Variants in MRC1 observed in about 807,000 individuals in gnomAD.
The protein encoded by MRC1 is macrophage mannose receptor 1.
Under a neutral mutation model 102.9 loss-of-function variants are expected in MRC1, and 62 were observed. The ratio of observed to expected loss-of-function variants is 0.60; its 90% confidence interval spans 0.49 to 0.74. The LOEUF is 0.74. Among genes scored for constraint, MRC1 ranks in the 30% least tolerant of loss-of-function variants. The pLI is 0.00. For missense variants in MRC1, 1,237 were observed against 862.8 expected (o/e 1.43, Z -5.43); for synonymous variants, 457 against 298.4 (o/e 1.53, Z -5.48).
intron 24 of MRC1, among the ~76,000 whole-genome samples, chr10:17,898,485 A>T (rs1251221570): frequency 3.3e-5 from 5 of 152,236 alleles, no homozygotes; most frequent in African/African-American, 1.2e-4. Context: ...ACTAAGAATT[A>T]TCTGATGAAT....
In MRC1 at chr10:17,880,682, A is replaced by G. The variant is rs1313590590; in HGVS notation, c.2865+12A>G. 7.7e-6 allele frequency: 6 copies of G among 780,730 alleles called. No homozygotes were observed. Among genetic ancestry groups the G allele is most frequent in the Non-Finnish European group, 1.4e-5 (6 of 417,950 alleles). The allele number at this position is 780,730 out of a possible 1,614,324, so 48.4% of individuals were successfully genotyped here. On this transcript the variant is annotated intron_variant, in intron 20 of 29. Coordinates refer to ENST00000569591, the MANE Select transcript of MRC1 (RefSeq NM_002438.4). The stretch of plus-strand genomic sequence containing the variant: ...TCTACAGCAACAAGGTACTAGGAAA[A>G]TTAGTTGCAATCTTGGCACTGATCA...
At chr10:17,842,199 G>A (rs1838762240) in intron 5 of MRC1, among the ~76,000 whole-genome samples, 1 of 152,176 alleles carries the variant, frequency 6.6e-6, no homozygotes, top group African/African-American at 2.4e-5. Context: ...CTGAACTCAA[G>A]TGATGTGGCC....
chr10:17,901,829 T>G, intron 25 of MRC1, 144 bp from the exon 26 acceptor site: 1 of 733,386 alleles, frequency 1.4e-6, no homozygotes, highest in Non-Finnish European at 2.5e-6. Flanking sequence ...AACCCAATAA[T>G]AAATATGGTG....
Position 17,849,672 on chromosome 10 carries a change from A to C in MRC1, c.1157A>C (p.Asp386Ala). The C allele has an allele frequency of 1.3e-6, 1 of 780,982 alleles. No homozygotes were observed. The highest frequency in any genetic ancestry group is 2.4e-6 in the Non-Finnish European group (1 of 418,102). The allele number at this position is 780,982 out of a possible 1,614,324, so 48.4% of individuals were successfully genotyped here. Residue 386 changes from aspartate (D) to alanine (A), a missense_variant, in exon 7 of 30, where the codon GAT becomes GCT. Asp to Ala is a moderately radical substitution (Grantham distance 126). Transcript: ENST00000569591. ...AGAGATGAGAAAAAAATCCAGAGGG[A>C]TGCTCTGACCACCTGCAGGAAGGAA... ...IHRDEKKIQRDALTTCRKEGG... is the reference protein window; with the variant it reads ...IHRDEKKIQRAALTTCRKEGG...
chr10:17,860,271 T>G (rs1185428550), intron 9 of MRC1, among the ~76,000 whole-genome samples: 2 of 139,138 alleles, frequency 1.4e-5, no homozygotes, highest in African/African-American at 2.6e-5. Flanking sequence ...ATTTAGCATT[T>G]CTGTTTTTTT....
At chr10:17,882,495 G>A (rs1833534096) in intron 21 of MRC1, among the ~76,000 whole-genome samples, 1 of 152,136 alleles carries the variant, frequency 6.6e-6, no homozygotes, top group African/African-American at 2.4e-5. Flanking sequence ...TGAATGTTAT[G>A]TAAGCTCTCT....
In MRC1 at chr10:17,898,259, G is replaced by A; in HGVS notation, c.3476G>A (p.Ser1159Asn). 1 of 780,434 alleles carries A rather than the reference G, an allele frequency of 1.3e-6. No individual in the cohort carries two copies. Among genetic ancestry groups the A allele is most frequent in the South Asian group, 1.3e-5 (1 of 74,594 alleles). 48.3% of individuals were successfully genotyped at this position (780,434 alleles called of 1,614,324 possible). A position where few individuals can be genotyped will look rare whatever the true frequency, so the allele number is the denominator to read the frequency against. ...SNERVWIALN[S>N]NLTDNQYTWT... ...GAACGTGTGTGGATCGCCCTGAACA[G>A]TAACTTGGTAAGATGCTGGAAATAT... Residue 1159 changes from serine (S) to asparagine (N), a missense_variant, in exon 24 of 30, where the codon AGT becomes AAT. By Grantham distance (46) the Ser-to-Asn change is conservative (BLOSUM62 1). Transcript: ENST00000569591.
Position 17,823,391 on chromosome 10 carries a change from A to T in MRC1, c.379A>T (p.Ile127Phe). 1.3e-6 allele frequency: 1 copy of T among 780,880 alleles called. No individual in the cohort carries two copies. The highest frequency in any genetic ancestry group is 2.4e-5 in the East Asian group (1 of 41,250). The allele number at this position is 780,880 out of a possible 1,614,324, so 48.4% of individuals were successfully genotyped here. ...CTACGGCAACAGACAAGAAAAGAAT[A>T]TTATGCTCTACAAGGGATCGGGTTT... ...FNYGNRQEKN[I>F]MLYKGSGLWS... The change falls in exon 2 of 30, where the codon ATT becomes TTT. Residue 127 changes from isoleucine to phenylalanine, a missense_variant. Physicochemically the swap from Ile to Phe is conservative, Grantham distance 21 (BLOSUM62 0). Coordinates refer to ENST00000569591, the MANE Select transcript of MRC1 (RefSeq NM_002438.4).
At chr10:17,863,821 T>C in intron 11 of MRC1, 139 bp downstream of exon 11, 1 of 654,168 alleles carries the variant, frequency 1.5e-6, no homozygotes, top group Non-Finnish European at 2.8e-6. Flanking sequence ...TTCATTCTCT[T>C]TTCGTTTTTT....
chr10:17,813,907 C>T (rs1838266366), intron 1 of MRC1, among the ~76,000 whole-genome samples: 1 of 151,802 alleles, frequency 6.6e-6, no homozygotes, highest in Non-Finnish European at 1.5e-5. Flanking sequence ...CCATGTTGTC[C>T]AGGCTGGTCT....
intron 9 of MRC1, among the ~76,000 whole-genome samples, chr10:17,861,034 G>A (rs1156423863): frequency 6.6e-6 from 1 of 152,204 alleles, no homozygotes; most frequent in Non-Finnish European, 1.5e-5. Flanking sequence ...CTAAGGCTGG[G>A]CACAGTGGCT....
intron 3 of MRC1, among the ~76,000 whole-genome samples, chr10:17,828,425 G>A (rs1268871612): frequency 6.6e-6 from 1 of 151,330 alleles, no homozygotes; most frequent in Non-Finnish European, 1.5e-5. Flanking sequence ...AAATTATCCT[G>A]TACACAATAT....
At chr10:17,844,215 A>T (rs1176231290) in intron 5 of MRC1, among the ~76,000 whole-genome samples, 1 of 151,582 alleles carries the variant, frequency 6.6e-6, no homozygotes, top group East Asian at 1.9e-4. Context: ...TTTCTCCTCC[A>T]TTTATTTTTA....
intron 6 of MRC1, among the ~76,000 whole-genome samples, chr10:17,849,050 C>T (rs1838872001): frequency 1.3e-5 from 2 of 152,098 alleles, no homozygotes; most frequent in African/African-American, 4.8e-5. Flanking sequence ...TTAAACAGTG[C>T]ATAACAGATG....
Position 17,849,710 on chromosome 10 carries a change from A to G in MRC1, c.1195A>G (p.Thr399Ala), listed in dbSNP as rs71497223. ...TTCRKEGGDLTSIHTIEELDF... is the reference protein window; with the variant it reads ...TTCRKEGGDLASIHTIEELDF... The stretch of plus-strand genomic sequence containing the variant: ...CTGCAGGAAGGAAGGCGGTGACCTC[A>G]CAAGTATCCACACCATCGAGGAATT... The change falls in exon 7 of 30, where the codon ACA (threonine) becomes GCA (alanine). Residue 399 changes from threonine to alanine, a missense_variant. Physicochemically the swap from Thr to Ala is moderately conservative, Grantham distance 58 (BLOSUM62 0). Transcript: ENST00000569591. The G allele has an allele frequency of 0.83, 645,428 of 780,568 alleles. 268,366 individuals are homozygous for G. The highest frequency in any genetic ancestry group is 1 in the East Asian group (41,173 of 41,220). 48.4% of individuals were successfully genotyped at this position (780,568 alleles called of 1,614,324 possible).
At chr10:17,832,037 G>A (rs1248792885) in intron 3 of MRC1, among the ~76,000 whole-genome samples, 1 of 151,516 alleles carries the variant, frequency 6.6e-6, no homozygotes, top group Non-Finnish European at 1.5e-5. Flanking sequence ...ATGAGAAAAC[G>A]AGACTTCAAA....
intron 2 of MRC1, among the ~76,000 whole-genome samples, chr10:17,825,245 C>G (rs1838455630): frequency 6.6e-6 from 1 of 151,996 alleles, no homozygotes; most frequent in African/African-American, 2.4e-5. Flanking sequence ...AATGGTGGAA[C>G]TTTTTGAAAA....
intron 3 of MRC1, among the ~76,000 whole-genome samples, chr10:17,828,140 G>A (rs994275448): frequency 3.9e-5 from 6 of 152,084 alleles, no homozygotes; most frequent in Non-Finnish European, 8.8e-5. Context: ...GTGGTGGTGC[G>A]ATCTCCACTC....
intron 19 of MRC1, 87 bp downstream of exon 19, chr10:17,879,908 T>C: frequency 1.3e-6 from 1 of 779,350 alleles, no homozygotes; most frequent in Non-Finnish European, 2.4e-6. Flanking sequence ...AGTTGTGTGC[T>C]TACATCAGAC....
Sources: gnomAD v4.1 joint callset for allele counts (sites outside exome capture counted in the v4.1 genomes callset) on GRCh38, gnomAD v4.1.1 for gene constraint, MANE v1.5 for transcripts, NCBI Gene and HGNC (gene_info 2026-07-23, HGNC 2026-07-21) for gene names.